Variants in ZSWIM6 observed in about 807,000 individuals in gnomAD.
ZSWIM6 encodes zinc finger SWIM-type containing 6.
Under a neutral mutation model 113.2 loss-of-function variants are expected in ZSWIM6, and 9 were observed. The observed-to-expected ratio is 0.08, with a 90% CI of 0.05 to 0.14. The LOEUF (loss-of-function observed/expected upper bound fraction) is 0.14, where lower values mean the gene tolerates loss of function less well. Ranked by LOEUF, ZSWIM6 falls within the 10% of genes least tolerant of loss-of-function variation. The pLI is 1.00. For synonymous variants in ZSWIM6, 611 were observed against 606.5 expected (o/e 1.01, Z -0.11); for missense variants, 1,162 against 1,552.2 (o/e 0.75, Z 4.22).
At chr5:61,431,483 C>T (rs1412909649) in intron 1 of ZSWIM6, among the ~76,000 whole-genome samples, 1 of 151,680 alleles carries the variant, frequency 6.6e-6, no homozygotes, top group East Asian at 1.9e-4. Flanking sequence ...CAGTAGCTCA[C>T]CCCTGAAATC....
At chr5:61,453,748 C>T (rs1747138946) in intron 1 of ZSWIM6, among the ~76,000 whole-genome samples, 2 of 151,224 alleles carry the variant, frequency 1.3e-5, no homozygotes, top group Admixed American at 1.3e-4. Context: ...AGAAGGGAGT[C>T]ACCAAAGTCC....
intron 2 of ZSWIM6, among the ~76,000 whole-genome samples, chr5:61,477,475 GC>G (rs1747736539): frequency 6.6e-6 from 1 of 152,160 alleles, no homozygotes; most frequent in Non-Finnish European, 1.5e-5. Flanking sequence ...AGGAACCTAG[GC>G]TCCGTACTGC....
intron 1 of ZSWIM6, among the ~76,000 whole-genome samples, chr5:61,443,205 A>T (rs879460809): frequency 6.6e-5 from 10 of 152,234 alleles, no homozygotes; most frequent in Non-Finnish European, 1.3e-4. Flanking sequence ...GCAAAGCAAA[A>T]CAACAATTGT....
intron 1 of ZSWIM6, among the ~76,000 whole-genome samples, chr5:61,437,510 C>T (rs1746735018): frequency 6.6e-6 from 1 of 151,888 alleles, no homozygotes; most frequent in Non-Finnish European, 1.5e-5. Flanking sequence ...ATTGCTTGAG[C>T]CCAGGACTTC....
intron 4 of ZSWIM6, among the ~76,000 whole-genome samples, chr5:61,505,601 ACCTTCCTTCCTTCCTTCCTT>A (rs1223688678): frequency 0.041 from 3,169 of 77,884 alleles, 155 homozygotes; most frequent in Non-Finnish European, 0.058. Flanking sequence ...TCTATGATTT[ACCTTCCTTCCTTCCTTCCTT>A]CCTTCCTTCC....
chr5:61,511,773 T>C (rs912304506), intron 4 of ZSWIM6, among the ~76,000 whole-genome samples: 1 of 152,164 alleles, frequency 6.6e-6, no homozygotes, highest in Admixed American at 6.6e-5. Context: ...ATTTTTGTTA[T>C]AGCAGCCTAA....
chr5:61,348,593 T>A (rs991862554), intron 1 of ZSWIM6, among the ~76,000 whole-genome samples: 6 of 152,038 alleles, frequency 3.9e-5, no homozygotes, highest in Non-Finnish European at 8.8e-5. Context: ...ACATTTAAAC[T>A]GCTAGTTTAA....
In ZSWIM6 at chr5:61,332,794, C is replaced by A. The variant is rs867108301; in HGVS notation, c.522C>A (p.Ala174=). Residue 174 remains alanine (A), a synonymous_variant, in exon 1 of 14, where the codon GCC becomes GCA. Transcript: ENST00000252744. ...AAATSAAAAA[A]AAAAAAAAAA... is the part of the protein sequence containing the mutation. The stretch of plus-strand genomic sequence containing the variant: ...CAACCTCGGCCGCCGCCGCCGCTGC[C>A]GCCGCCGCCGCCGCCGCCGCCGCCG... 1.1e-4 allele frequency: 65 copies of A among 591,726 alleles called. No homozygotes were observed. Among genetic ancestry groups the A allele is most frequent in the Non-Finnish European group, 1.3e-4 (63 of 479,586 alleles). The allele number at this position is 591,726 out of a possible 1,614,324, so 36.7% of individuals were successfully genotyped here. A position where few individuals can be genotyped will look rare whatever the true frequency, so the allele number is the denominator to read the frequency against.
chr5:61,368,818 T>C (rs1281441241), intron 1 of ZSWIM6, among the ~76,000 whole-genome samples: 1 of 152,148 alleles, frequency 6.6e-6, no homozygotes, highest in Non-Finnish European at 1.5e-5. Flanking sequence ...GAGAAGCAAA[T>C]GAGAATGTCC....
intron 1 of ZSWIM6, among the ~76,000 whole-genome samples, chr5:61,402,055 T>C (rs1745949866): frequency 6.6e-6 from 1 of 152,142 alleles, no homozygotes; most frequent in Non-Finnish European, 1.5e-5. Context: ...AAAAAAAATA[T>C]TCTGGAAGTC....
chr5:61,471,434 C>A (rs1448936750), intron 1 of ZSWIM6, among the ~76,000 whole-genome samples: 1 of 151,398 alleles, frequency 6.6e-6, no homozygotes, highest in Non-Finnish European at 1.5e-5. Context: ...TCAGGACTAC[C>A]TGGTGGGCAC....
intron 1 of ZSWIM6, among the ~76,000 whole-genome samples, chr5:61,367,117 C>T (rs928189854): frequency 2.0e-5 from 3 of 152,170 alleles, no homozygotes. Context: ...TCACCATCCC[C>T]TGAGGATTCA....
chr5:61,536,932 A>G (rs1749591382), intron 10 of ZSWIM6, among the ~76,000 whole-genome samples: 1 of 152,236 alleles, frequency 6.6e-6, no homozygotes, highest in Non-Finnish European at 1.5e-5. Flanking sequence ...TTTATGTTTT[A>G]GAGCACGATT....
chr5:61,522,587 A>T (rs1362422303), intron 5 of ZSWIM6, among the ~76,000 whole-genome samples: 1 of 152,244 alleles, frequency 6.6e-6, no homozygotes, highest in Non-Finnish European at 1.5e-5. Flanking sequence ...CTTGAGAAAG[A>T]CAATTGTCTG....
chr5:61,510,901 C>T (rs1055044709), intron 4 of ZSWIM6, among the ~76,000 whole-genome samples: 4 of 152,046 alleles, frequency 2.6e-5, no homozygotes, highest in Admixed American at 2.6e-4. Flanking sequence ...GGGCCGAGTC[C>T]TTAAAGGGTT....
At chr5:61,444,344 T>C (rs955210780) in intron 1 of ZSWIM6, among the ~76,000 whole-genome samples, 5 of 152,040 alleles carry the variant, frequency 3.3e-5, no homozygotes, top group African/African-American at 1.2e-4. Context: ...ATCCAGTCTA[T>C]CGTTGTGGGA....
chr5:61,345,693 C>T (rs1744643407), intron 1 of ZSWIM6, among the ~76,000 whole-genome samples: 1 of 152,172 alleles, frequency 6.6e-6, no homozygotes, highest in African/African-American at 2.4e-5. Context: ...TTAAATCCAT[C>T]AGATGGCAGG....
At chr5:61,431,094 G>A (rs774198960) in intron 1 of ZSWIM6, among the ~76,000 whole-genome samples, 2 of 152,030 alleles carry the variant, frequency 1.3e-5, no homozygotes, top group East Asian at 1.9e-4. Flanking sequence ...CTTATGGGTC[G>A]GGCATGGTGG....
chr5:61,342,728 T>C (rs888950383), intron 1 of ZSWIM6, among the ~76,000 whole-genome samples: 1 of 152,188 alleles, frequency 6.6e-6, no homozygotes, highest in Admixed American at 6.5e-5. Context: ...CATAAGGATA[T>C]TTACACATAT....
Sources: allele counts gnomAD v4.1 joint callset (sites outside exome capture counted in the v4.1 genomes callset), GRCh38; gene constraint gnomAD v4.1.1; transcripts MANE v1.5; gene names NCBI Gene and HGNC (gene_info 2026-07-23, HGNC 2026-07-21).